Variants in SPAG17 observed in about 807,000 individuals in gnomAD.
The protein encoded by SPAG17 is sperm-associated antigen 17.
A neutral mutation model predicts 273.6 loss-of-function variants in SPAG17; 169 were observed. That is an observed-to-expected ratio of 0.62 (90% CI 0.55 to 0.70). The LOEUF (loss-of-function observed/expected upper bound fraction) is 0.70. Ranked by LOEUF, SPAG17 falls within the 30% of genes least tolerant of loss-of-function variation. The probability of loss-of-function intolerance (pLI) is 0.00; values close to 1 mark genes in which losing one functional copy is unlikely to be tolerated. For missense variants in SPAG17, 2,557 were observed against 2,627.8 expected, an observed-to-expected ratio of 0.97 and a Z score of 0.59; for synonymous variants, 825 against 873.2, an observed-to-expected ratio of 0.94 and a Z score of 0.97.
chr1:117,958,513 C>T (rs1652550720), intron 48 of SPAG17, among the ~76,000 whole-genome samples: 2 of 152,132 alleles, frequency 1.3e-5, no homozygotes, highest in African/African-American at 4.8e-5. Context: ...GTTTGAATCT[C>T]ACGAATGTCT....
intron 2 of SPAG17, among the ~76,000 whole-genome samples, chr1:118,150,849 C>G (rs756178364): frequency 6.6e-6 from 1 of 152,126 alleles, no homozygotes; most frequent in Non-Finnish European, 1.5e-5. Context: ...TATTGCTGTC[C>G]TCTGACCTCT....
intron 48 of SPAG17, chr1:117,954,703 T>TGTGGTTACCTCCAGAGTCTG: frequency 6.9e-7 from 1 of 1,450,346 alleles, no homozygotes. Flanking sequence ...AGTAGAGGCA[T>TGTGGTTACCTCCAGAGTCTG]TATGATTTGG....
Position 118,016,201 on chromosome 1 carries a change from A to G in SPAG17, c.4070-19T>C, listed in dbSNP as rs1263055796. On this transcript the variant is annotated intron_variant, in intron 28 of 48. Transcript: ENST00000336338. ...CTTTTTCCTGTGAAGTTCAAGTAAA[A>G]TCAAACAACAACAATATAACTATAG... is the stretch of plus-strand genomic sequence containing the variant. The G allele has an allele frequency of 1.9e-6, 3 of 1,574,548 alleles. No homozygotes were observed. In the South Asian group the frequency reaches 3.3e-5, roughly 17 times the overall value.
intron 48 of SPAG17, among the ~76,000 whole-genome samples, chr1:117,958,342 A>C (rs1346491735): frequency 6.6e-6 from 1 of 152,182 alleles, no homozygotes; most frequent in East Asian, 1.9e-4. Context: ...CATGTTACTA[A>C]CAATTTTTTT....
At chr1:118,011,881 T>A (rs1015650762) in intron 30 of SPAG17, among the ~76,000 whole-genome samples, 4 of 152,108 alleles carry the variant, frequency 2.6e-5, no homozygotes, top group East Asian at 1.9e-4. Flanking sequence ...TAAAAATAAG[T>A]ATCTGAGGGT....
At chr1:118,120,647 C>T (rs928346425) in intron 3 of SPAG17, among the ~76,000 whole-genome samples, 4 of 152,128 alleles carry the variant, frequency 2.6e-5, no homozygotes, top group African/African-American at 9.7e-5. Flanking sequence ...TGCTTGTGGC[C>T]ACACAAGAAA....
In SPAG17 at chr1:117,970,046, TAGGACTTAC is replaced by T; in HGVS notation, c.6387+1_6387+9del. 1 of 1,613,172 alleles carries T rather than the reference TAGGACTTAC, an allele frequency of 6.2e-7. No homozygotes were observed. The highest frequency in any genetic ancestry group is 1.1e-5 in the South Asian group (1 of 90,894). On this transcript the variant is annotated splice_donor_variant and splice_donor_5th_base_variant and intron_variant, in intron 46 of 48. Transcript: ENST00000336338. LOFTEE classifies it high-confidence loss of function. The stretch of plus-strand genomic sequence containing the variant: ...GCAAGCACACACAACAGATGACATA[TAGGACTTAC>T]AGGTCCAGGTTTGTAAGTCACTTTC...
intron 18 of SPAG17, among the ~76,000 whole-genome samples, chr1:118,062,710 T>C (rs1374728193): frequency 1.3e-5 from 2 of 152,194 alleles, no homozygotes; most frequent in Non-Finnish European, 2.9e-5. Flanking sequence ...CATTAATTAA[T>C]GGAATTTTTG....
chr1:118,029,428 C>T (rs1159587582), intron 25 of SPAG17, among the ~76,000 whole-genome samples: 1 of 152,142 alleles, frequency 6.6e-6, no homozygotes, highest in Admixed American at 6.5e-5. Context: ...GAGAGACCAA[C>T]ATCTCCAACA....
intron 4 of SPAG17, among the ~76,000 whole-genome samples, chr1:118,107,322 G>C (rs1440089210): frequency 6.6e-6 from 1 of 151,922 alleles, no homozygotes; most frequent in Non-Finnish European, 1.5e-5. Flanking sequence ...TCTTTCTCCA[G>C]AGCACTCCAC....
chr1:118,100,036 CGT>C (rs957687980), intron 5 of SPAG17, among the ~76,000 whole-genome samples: 1 of 152,126 alleles, frequency 6.6e-6, no homozygotes, highest in African/African-American at 2.4e-5. Flanking sequence ...GCGACATAGG[CGT>C]AATAGAAGGA....
At chr1:117,972,516 C>G (rs890393362) in intron 44 of SPAG17, among the ~76,000 whole-genome samples, 1 of 152,212 alleles carries the variant, frequency 6.6e-6, no homozygotes, top group Admixed American at 6.5e-5. Context: ...CAGGCAACCA[C>G]ACTTTGAGAA....
chr1:118,052,058 T>C lies in SPAG17; in HGVS notation c.2814+1944A>G, dbSNP rs941625687. Among the ~76,000 whole-genome samples, 3 of 140,974 alleles carry C rather than the reference T, an allele frequency of 2.1e-5. 1 individual carries two copies. The highest frequency in any genetic ancestry group is 4.6e-5 in the Non-Finnish European group (3 of 65,840). The allele number at this position is 140,974 out of a possible 152,430, so 92.5% of individuals were successfully genotyped here. A position where few individuals can be genotyped will look rare whatever the true frequency, so the allele number is the denominator to read the frequency against. On this transcript the variant is annotated intron_variant, in intron 20 of 48. Transcript: ENST00000336338. ...TAATAGTATATATAGTTATAATATA[T>C]AGTATAATTACAATATATAATATGG...
chr1:118,075,801 C>A (rs1044397814), intron 15 of SPAG17, among the ~76,000 whole-genome samples: 2 of 152,086 alleles, frequency 1.3e-5, no homozygotes, highest in Non-Finnish European at 2.9e-5. Flanking sequence ...GGGTCTTGCA[C>A]TTTCTTTCTC....
rs1570787833 is a variant in SPAG17, at chr1:118,151,351, T to G, written c.106A>C (p.Ile36Leu). The G allele has an allele frequency of 7.4e-6, 12 of 1,612,460 alleles. No individual in the cohort carries two copies. The highest frequency in any genetic ancestry group is 9.3e-6 in the Non-Finnish European group (11 of 1,179,056). ...ATCTGGTTCCCAACCACAAAAGCAA[T>G]GGAGGCCTGCCAATCGTTCTATTAA... ...QFNQNDWQAS[I>L]AFVVGNQIED... is the part of the protein sequence containing the mutation. Residue 36 changes from isoleucine to leucine, a missense_variant, in exon 2 of 49, where the codon ATT (isoleucine) becomes CTT (leucine). Coordinates refer to ENST00000336338, the MANE Select transcript of SPAG17 (RefSeq NM_206996.4).
rs145928189 is a variant in SPAG17, at chr1:118,032,782, C to T, written c.3434-915G>A. On this transcript the variant is annotated intron_variant, in intron 24 of 48. Transcript: ENST00000336338. ...AATTTTTTTGTATTTTTAATAGACA[C>T]GGGGTTTCACCATGTTGACCAAGCT... is the stretch of plus-strand genomic sequence containing the variant. 4.6e-3 allele frequency among the ~76,000 whole-genome samples: 705 copies of T among 151,852 alleles called. 5 individuals are homozygous for T. The highest frequency in any genetic ancestry group is 0.016 in the African/African-American group (672 of 41,392).
At chr1:117,974,157 A>ATTTC (rs1654882748) in intron 43 of SPAG17, among the ~76,000 whole-genome samples, 1 of 152,078 alleles carries the variant, frequency 6.6e-6, no homozygotes, top group African/African-American at 2.4e-5. Context: ...TGATAGAACA[A>ATTTC]TTTCTTTTTC....
At chr1:118,164,839 T>C (rs1660088479) in intron 1 of SPAG17, among the ~76,000 whole-genome samples, 1 of 152,262 alleles carries the variant, frequency 6.6e-6, no homozygotes, top group Non-Finnish European at 1.5e-5. Flanking sequence ...TCTGAATTTC[T>C]TCACATAAAT....
At chr1:117,954,886 C>CA (rs1651939484) in intron 48 of SPAG17, among the ~76,000 whole-genome samples, 1 of 152,060 alleles carries the variant, frequency 6.6e-6, no homozygotes, top group Admixed American at 6.6e-5. Flanking sequence ...GTTCAGTGTC[C>CA]AAAGCCCTCT....
Sources: allele counts gnomAD v4.1 joint callset (sites outside exome capture counted in the v4.1 genomes callset), GRCh38; gene constraint gnomAD v4.1.1; transcripts MANE v1.5; gene names NCBI Gene and HGNC (gene_info 2026-07-23, HGNC 2026-07-21).